The following TMEM132D variants were observed in gnomAD, a reference collection of about 807,000 sequenced individuals.
The protein encoded by TMEM132D is transmembrane protein 132D.
In TMEM132D, 21 loss-of-function variants were observed where a neutral mutation model predicts 62.3. That is an observed-to-expected ratio of 0.34 (90% CI 0.24 to 0.49). TMEM132D has a LOEUF of 0.49. Ranked by LOEUF, TMEM132D falls within the 20% of genes least tolerant of loss-of-function variation. TMEM132D has a pLI of 0.99. For synonymous variants in TMEM132D, 621 were observed against 575.6 expected, an observed-to-expected ratio of 1.08 and a Z score of -1.13; for missense variants, 1,346 against 1,402.8, an observed-to-expected ratio of 0.96 and a Z score of 0.65.
chr12:129,513,524 G>A (rs559753287), intron 3 of TMEM132D, among the ~76,000 whole-genome samples: 1 of 152,184 alleles, frequency 6.6e-6, no homozygotes, highest in Non-Finnish European at 1.5e-5. Context: ...TCACTCTGTC[G>A]CCCGGGCTGG....
chr12:129,755,992 T>C (rs1412967253), intron 1 of TMEM132D, among the ~76,000 whole-genome samples: 4 of 152,228 alleles, frequency 2.6e-5, no homozygotes, highest in Non-Finnish European at 4.4e-5. Context: ...AGTGCCCTGT[T>C]TGTCCTGTGA....
At position 129,192,941 on chromosome 12, in the gene TMEM132D, C is replaced by T. The variant is rs879259072; in HGVS notation, c.1443+16579G>A. Among the ~76,000 whole-genome samples, 23 of 152,236 alleles carry T rather than the reference C, an allele frequency of 1.5e-4. No homozygotes were observed. The Middle Eastern group carries it at 0.01, about 68-fold the overall frequency. On this transcript the variant is annotated intron_variant, in intron 5 of 8. Transcript: ENST00000422113. The stretch of plus-strand genomic sequence containing the variant: ...ATCCCAACACTTTGGGAGGCCGAGG[C>T]GGGCGGATCACGAGGTCAGGAGATC...
chr12:129,620,394 T>C (rs987719882), intron 2 of TMEM132D, among the ~76,000 whole-genome samples: 1 of 152,040 alleles, frequency 6.6e-6, no homozygotes, highest in Non-Finnish European at 1.5e-5. Flanking sequence ...ATCCCAGGAG[T>C]TCGAGGCCAG....
At chr12:129,203,326 A>G (rs1169976615) in intron 5 of TMEM132D, among the ~76,000 whole-genome samples, 2 of 152,176 alleles carry the variant, frequency 1.3e-5, no homozygotes, top group Non-Finnish European at 2.9e-5. Flanking sequence ...CTAATTTGTG[A>G]ATCATTATTT....
intron 4 of TMEM132D, among the ~76,000 whole-genome samples, chr12:129,246,770 A>C (rs1020337457): frequency 3.1e-5 from 2 of 63,744 alleles, no homozygotes; most frequent in Admixed American, 3.4e-4. Context: ...TATCTCAAAA[A>C]AAAAAAAAAG....
intron 1 of TMEM132D, among the ~76,000 whole-genome samples, chr12:129,721,874 A>G (rs1048974534): frequency 1.2e-4 from 18 of 152,238 alleles, no homozygotes; most frequent in African/African-American, 3.9e-4. Context: ...CCAGTTGGCC[A>G]TACCTCCTAT....
chr12:129,768,254 C>G (rs1319795102), intron 1 of TMEM132D, among the ~76,000 whole-genome samples: 2 of 152,090 alleles, frequency 1.3e-5, no homozygotes, highest in East Asian at 3.9e-4. Flanking sequence ...ATTGCTAGAT[C>G]ATATATTGAT....
intron 1 of TMEM132D, among the ~76,000 whole-genome samples, chr12:129,771,631 C>T (rs1382092897): frequency 6.6e-6 from 1 of 152,206 alleles, no homozygotes; most frequent in Admixed American, 6.5e-5. Flanking sequence ...TCTAGACTCT[C>T]AAGAGCAAGA....
At chr12:129,651,451 G>A (rs1879926316) in intron 2 of TMEM132D, among the ~76,000 whole-genome samples, 1 of 152,108 alleles carries the variant, frequency 6.6e-6, no homozygotes, top group Non-Finnish European at 1.5e-5. Flanking sequence ...GGAATGGAGT[G>A]CACTGAACTA....
intron 1 of TMEM132D, among the ~76,000 whole-genome samples, chr12:129,855,163 A>G (rs71466425): frequency 5.9e-3 from 334 of 57,024 alleles, no homozygotes; most frequent in Middle Eastern, 0.017. Context: ...GGGTGCCCTT[A>G]TAACAGAGTC....
At chr12:129,319,477 A>G (rs1868609641) in intron 4 of TMEM132D, among the ~76,000 whole-genome samples, 1 of 152,214 alleles carries the variant, frequency 6.6e-6, no homozygotes, top group African/African-American at 2.4e-5. Context: ...CTGCAGGAGC[A>G]GTCCGCTTCC....
At chr12:129,471,084 A>C (rs1470937429) in intron 3 of TMEM132D, among the ~76,000 whole-genome samples, 1 of 152,180 alleles carries the variant, frequency 6.6e-6, no homozygotes, top group Non-Finnish European at 1.5e-5. Context: ...TCATGGCATA[A>C]GCAAGCAGAA....
At chr12:129,847,701 C>T (rs1331813059) in intron 1 of TMEM132D, among the ~76,000 whole-genome samples, 1 of 152,116 alleles carries the variant, frequency 6.6e-6, no homozygotes, top group Admixed American at 6.5e-5. Context: ...CCCTGCAGAA[C>T]GGGACTGAGG....
intron 2 of TMEM132D, among the ~76,000 whole-genome samples, chr12:129,593,381 T>C (rs1878247622): frequency 6.6e-6 from 1 of 152,172 alleles, no homozygotes; most frequent in African/African-American, 2.4e-5. Context: ...ACTATACAAA[T>C]TCTATTACAA....
chr12:129,866,056 C>CG (rs1410232193), intron 1 of TMEM132D, among the ~76,000 whole-genome samples: 1 of 152,044 alleles, frequency 6.6e-6, no homozygotes, highest in Admixed American at 6.6e-5. Context: ...TACTCCACAC[C>CG]CCCTGGGTTT....
rs572022791 is a variant in TMEM132D, at chr12:129,838,975, G to A, written c.79+64286C>T. ...ACTCTTTTTTTTTTTTTTTTGAGAC[G>A]AAGTCTCCCTCTGTTGCCCAGACTG... On this transcript the variant is annotated intron_variant, in intron 1 of 8. Transcript: ENST00000422113. Among the ~76,000 whole-genome samples, 16 of 144,798 alleles carry A rather than the reference G, an allele frequency of 1.1e-4. No individual in the cohort carries two copies. In the South Asian group the frequency reaches 3.3e-3, roughly 30 times the overall value. 95.0% of individuals were successfully genotyped at this position (144,798 alleles called of 152,430 possible).
intron 1 of TMEM132D, among the ~76,000 whole-genome samples, chr12:129,899,280 CATGGATGGATGGATGG>C (rs1335410024): frequency 0.063 from 7,489 of 118,412 alleles, 288 homozygotes; most frequent in Middle Eastern, 0.2. Flanking sequence ...TGGATGGATG[CATGGATGGATGGATGG>C]ATGCATGCAT....
rs370496653 is a variant in TMEM132D, at chr12:129,074,891, C to T, written c.2284G>A (p.Gly762Arg). ...KWPIIAAETE[G>R]QGTLVKVEMV... ...TCCACCTTGACCAGGGTGCCTTGTC[C>T]TTCTGTTTCCGCAGCAATGATAGGC... Residue 762 changes from glycine to arginine, a missense_variant, in exon 9 of 9, where the codon GGA (glycine) becomes AGA (arginine). Physicochemically the swap from Gly to Arg is moderately radical, Grantham distance 125. Transcript: ENST00000422113. The T allele has an allele frequency of 8.9e-5, 143 of 1,613,822 alleles. No individual in the cohort carries two copies. The highest frequency in any genetic ancestry group is 1.2e-4 in the Non-Finnish European group (137 of 1,179,996).
intron 2 of TMEM132D, among the ~76,000 whole-genome samples, chr12:129,538,568 A>G (rs1041143839): frequency 2.0e-5 from 3 of 152,208 alleles, no homozygotes; most frequent in African/African-American, 7.2e-5. Context: ...TTTTTTCTAC[A>G]CATACCTATG....
Sources: gnomAD v4.1 joint callset for allele counts (sites outside exome capture counted in the v4.1 genomes callset) on GRCh38, gnomAD v4.1.1 for gene constraint, MANE v1.5 for transcripts, NCBI Gene and HGNC (gene_info 2026-07-23, HGNC 2026-07-21) for gene names.